HS6ST3: variants seen among roughly 807,000 people sequenced by gnomAD.
HS6ST3 encodes heparan sulfate 6-O-sulfotransferase 3, also known as heparan-sulfate 6-O-sulfotransferase 3.
A neutral mutation model predicts 36.7 loss-of-function variants in HS6ST3; 12 were observed. That is an observed-to-expected ratio of 0.33 (90% confidence interval 0.21 to 0.53). HS6ST3 has a LOEUF of 0.53. Among genes scored for constraint, HS6ST3 ranks in the 20% least tolerant of loss-of-function variants. The pLI is 0.95. For missense variants in HS6ST3, 584 were observed against 640.9 expected (o/e 0.91, Z 0.96); for synonymous variants, 240 against 257.5 (o/e 0.93, Z 0.65).
chr13:96,740,630 T>C (rs892328906), intron 1 of HS6ST3, among the ~76,000 whole-genome samples: 1 of 152,150 alleles, frequency 6.6e-6, no homozygotes, highest in African/African-American at 2.4e-5. Context: ...GCTAGTGATA[T>C]GGTAATTTAA....
chr13:96,792,511 CT>C, intron 1 of HS6ST3, among the ~76,000 whole-genome samples: 1 of 151,990 alleles, frequency 6.6e-6, no homozygotes, highest in South Asian at 2.1e-4. Flanking sequence ...TTATAAGAGC[CT>C]GTAAAATAGT....
At chr13:96,563,328 C>T (rs1180941128) in intron 1 of HS6ST3, among the ~76,000 whole-genome samples, 1 of 151,990 alleles carries the variant, frequency 6.6e-6, no homozygotes, top group Non-Finnish European at 1.5e-5. Context: ...GAAATCAAAC[C>T]CCAGGTATCA....
At chr13:96,508,300 T>C (rs1211254409) in intron 1 of HS6ST3, among the ~76,000 whole-genome samples, 2 of 152,070 alleles carry the variant, frequency 1.3e-5, no homozygotes, top group African/African-American at 4.8e-5. Flanking sequence ...TTTGCCTTTA[T>C]TTATTCCATA....
At chr13:96,698,472 A>G (rs1266749218) in intron 1 of HS6ST3, among the ~76,000 whole-genome samples, 2 of 152,172 alleles carry the variant, frequency 1.3e-5, no homozygotes, top group African/African-American at 4.8e-5. Flanking sequence ...TAACACACAA[A>G]CAGAGAGCCA....
chr13:96,693,281 A>G (rs1875023827), intron 1 of HS6ST3, among the ~76,000 whole-genome samples: 1 of 152,074 alleles, frequency 6.6e-6, no homozygotes, highest in Non-Finnish European at 1.5e-5. Flanking sequence ...CTATGGAATT[A>G]TTTTTTGATT....
At chr13:96,276,731 G>A (rs1204133263) in intron 1 of HS6ST3, among the ~76,000 whole-genome samples, 3 of 152,170 alleles carry the variant, frequency 2.0e-5, no homozygotes, top group Non-Finnish European at 4.4e-5. Context: ...GTTTGGCATA[G>A]GTTATGTGGA....
rs147423799 is a variant in HS6ST3, at chr13:96,203,191, G to A, written c.707+111622G>A. On this transcript the variant is annotated intron_variant, in intron 1 of 1. Coordinates refer to ENST00000376705, the MANE Select transcript of HS6ST3 (RefSeq NM_153456.4). The stretch of plus-strand genomic sequence containing the variant: ...GCTATAGCAGAATACAATAGACAGG[G>A]TGGCTTATAAGCAGCAGGAATTTAT... Among the ~76,000 whole-genome samples, 72 of 152,302 alleles carry A rather than the reference G, an allele frequency of 4.7e-4. 1 individual carries two copies. The highest frequency in any genetic ancestry group is 3.4e-3 in the Middle Eastern group (1 of 294).
intron 1 of HS6ST3, among the ~76,000 whole-genome samples, chr13:96,368,838 G>A (rs371311157): frequency 2.6e-5 from 4 of 152,100 alleles, no homozygotes; most frequent in East Asian, 1.9e-4. Flanking sequence ...GTGGGACTAC[G>A]GGAACTGCTG....
chr13:96,676,977 TAGAGA>T (rs1178713718), intron 1 of HS6ST3, among the ~76,000 whole-genome samples: 6 of 152,058 alleles, frequency 3.9e-5, no homozygotes, highest in African/African-American at 1.2e-4. Flanking sequence ...TCATAGTAAG[TAGAGA>T]AAAGTTGGCT....
chr13:96,487,675 A>G lies in HS6ST3; in HGVS notation c.708-344815A>G, dbSNP rs2138902952. Among the ~76,000 whole-genome samples, 2 of 152,268 alleles carry G rather than the reference A, an allele frequency of 1.3e-5. 1 individual carries two copies. Among genetic ancestry groups the G allele is most frequent in the Middle Eastern group, 6.8e-3 (2 of 294 alleles). On this transcript the variant is annotated intron_variant, in intron 1 of 1. Transcript: ENST00000376705. The stretch of plus-strand genomic sequence containing the variant: ...TTGGTATCCATATGCCATGTCTTCT[A>G]GAATTAGCTCTTAATATATTTTACA...
intron 1 of HS6ST3, among the ~76,000 whole-genome samples, chr13:96,339,912 A>G (rs910544673): frequency 6.6e-5 from 10 of 152,224 alleles, no homozygotes; most frequent in Non-Finnish European, 1.2e-4. Flanking sequence ...AATTATTTCC[A>G]GAAGGAGGTG....
chr13:96,265,623 A>G (rs1302081357), intron 1 of HS6ST3, among the ~76,000 whole-genome samples: 1 of 152,176 alleles, frequency 6.6e-6, no homozygotes, highest in Admixed American at 6.5e-5. Flanking sequence ...AAGCTTTATG[A>G]TGGAGTAATT....
intron 1 of HS6ST3, among the ~76,000 whole-genome samples, chr13:96,272,546 C>T (rs1224568080): frequency 6.6e-6 from 1 of 151,756 alleles, no homozygotes; most frequent in Non-Finnish European, 1.5e-5. Context: ...TTGAGTACCC[C>T]AATAGTAGTA....
At chr13:96,247,278 C>T (rs1028487369) in intron 1 of HS6ST3, among the ~76,000 whole-genome samples, 11 of 152,030 alleles carry the variant, frequency 7.2e-5, no homozygotes, top group Admixed American at 6.6e-5. Context: ...TGTTTTAATA[C>T]AGCCCTGATA....
At chr13:96,277,169 C>G (rs2054752437) in intron 1 of HS6ST3, among the ~76,000 whole-genome samples, 1 of 152,156 alleles carries the variant, frequency 6.6e-6, no homozygotes, top group African/African-American at 2.4e-5. Flanking sequence ...CTTCCTGTAT[C>G]TTGCTAAATA....
intron 1 of HS6ST3, among the ~76,000 whole-genome samples, chr13:96,447,066 A>G (rs2139483500): frequency 6.6e-6 from 1 of 152,174 alleles, no homozygotes; most frequent in East Asian, 1.9e-4. Flanking sequence ...ATCACCCTGC[A>G]TGCCGTCCTG....
Position 96,765,162 on chromosome 13 carries a change from C to T in HS6ST3, c.708-67328C>T, listed in dbSNP as rs570348752. 2.6e-3 allele frequency among the ~76,000 whole-genome samples: 384 copies of T among 149,654 alleles called. 2 individuals carry two copies. The highest frequency in any genetic ancestry group is 8.6e-3 in the African/African-American group (345 of 40,306). On this transcript the variant is annotated intron_variant, in intron 1 of 1. Coordinates refer to ENST00000376705, the MANE Select transcript of HS6ST3 (RefSeq NM_153456.4). ...AATCTCGGCTCACTGCAAGCTCCGC[C>T]TTCTGGGTTCACGCCATTCTCCTGC...
At chr13:96,100,578 A>G (rs2053813465) in intron 1 of HS6ST3, among the ~76,000 whole-genome samples, 1 of 152,190 alleles carries the variant, frequency 6.6e-6, no homozygotes, top group Admixed American at 6.5e-5. Context: ...AGAGAGCCGA[A>G]GGAGAAACTT....
At chr13:96,514,370 T>C (rs1358213917) in intron 1 of HS6ST3, among the ~76,000 whole-genome samples, 1 of 152,186 alleles carries the variant, frequency 6.6e-6, no homozygotes, top group Non-Finnish European at 1.5e-5. Context: ...CTCGCTCTGA[T>C]CATTGGGATG....
Sources: allele counts gnomAD v4.1 joint callset (sites outside exome capture counted in the v4.1 genomes callset), GRCh38; gene constraint gnomAD v4.1.1; transcripts MANE v1.5; gene names NCBI Gene and HGNC (gene_info 2026-07-23, HGNC 2026-07-21).